The following PIP4K2A variants were observed in gnomAD, a reference collection of about 807,000 sequenced individuals.
PIP4K2A encodes phosphatidylinositol 5-phosphate 4-kinase type-2 alpha.
In PIP4K2A, 14 loss-of-function variants were observed where a neutral mutation model predicts 42.9. The observed-to-expected ratio is 0.33, with a 90% CI of 0.22 to 0.51. PIP4K2A has a LOEUF of 0.51. PIP4K2A is among the 20% of genes least tolerant of loss of function. PIP4K2A has a pLI of 0.97. For synonymous variants in PIP4K2A, 192 were observed against 192.2 expected (o/e 1.00, Z 0.01); for missense variants, 434 against 519.8 (o/e 0.83, Z 1.61).
At chr10:22,544,808 A>T (rs925933372) in intron 7 of PIP4K2A, among the ~76,000 whole-genome samples, 1 of 152,130 alleles carries the variant, frequency 6.6e-6, no homozygotes, top group African/African-American at 2.4e-5. Context: ...TCTGGGGCCC[A>T]CTTGAGCTCT....
chr10:22,645,499 T>C (rs73598586), intron 1 of PIP4K2A, among the ~76,000 whole-genome samples: 3,457 of 150,332 alleles, frequency 0.023, 140 homozygotes, highest in African/African-American at 0.079. Context: ...TGAGATACGA[T>C]TGCACCACTG....
intron 9 of PIP4K2A, among the ~76,000 whole-genome samples, chr10:22,538,549 T>C (rs1442727045): frequency 3.9e-5 from 6 of 152,200 alleles, no homozygotes; most frequent in Non-Finnish European, 5.9e-5. Flanking sequence ...CTTGAGGTCA[T>C]ACAAGTGGGA....
chr10:22,570,849 A>G (rs2130792231), intron 5 of PIP4K2A, among the ~76,000 whole-genome samples: 1 of 152,160 alleles, frequency 6.6e-6, no homozygotes, highest in South Asian at 2.1e-4. Context: ...TAAAAAAAAA[A>G]AACAATGAAA....
At chr10:22,576,904 T>C (rs1171619964) in intron 4 of PIP4K2A, among the ~76,000 whole-genome samples, 1 of 151,898 alleles carries the variant, frequency 6.6e-6, no homozygotes, top group Non-Finnish European at 1.5e-5. Context: ...CGAAACCTCG[T>C]CTCTGCTAAA....
chr10:22,687,862 G>A (rs1839793546), intron 1 of PIP4K2A, among the ~76,000 whole-genome samples: 1 of 152,120 alleles, frequency 6.6e-6, no homozygotes, highest in African/African-American at 2.4e-5. Context: ...ATCTGTGGTT[G>A]GTGGGATCTG....
chr10:22,687,912 C>T (rs928761778), intron 1 of PIP4K2A, among the ~76,000 whole-genome samples: 1 of 152,034 alleles, frequency 6.6e-6, no homozygotes, highest in African/African-American at 2.4e-5. Context: ...CTACTTTGTG[C>T]GAGATCATTG....
chr10:22,668,381 A>G (rs979684351), intron 1 of PIP4K2A, among the ~76,000 whole-genome samples: 2 of 152,236 alleles, frequency 1.3e-5, no homozygotes, highest in Non-Finnish European at 2.9e-5. Flanking sequence ...CTGAAGTCAA[A>G]GCAAAACTAA....
chr10:22,577,710 G>A (rs772337318), intron 4 of PIP4K2A, among the ~76,000 whole-genome samples: 4 of 152,172 alleles, frequency 2.6e-5, no homozygotes, highest in Non-Finnish European at 5.9e-5. Flanking sequence ...GTCACACTGC[G>A]ACGCATCTTG....
intron 1 of PIP4K2A, among the ~76,000 whole-genome samples, chr10:22,704,256 C>G (rs11815093): frequency 6.6e-6 from 1 of 151,950 alleles, no homozygotes; most frequent in South Asian, 2.1e-4. Flanking sequence ...GAGCCTGCAC[C>G]TAAGGAGTGG....
chr10:22,705,425 TTAAAAAAAAAAAAAAAA>T (rs1358991699), intron 1 of PIP4K2A, among the ~76,000 whole-genome samples: 897 of 56,890 alleles, frequency 0.016, 13 homozygotes, highest in African/African-American at 0.059. Context: ...AGTACCCCAG[TTAAAAAAAAAAAAAAAA>T]AAAAAAAAAA....
intron 1 of PIP4K2A, among the ~76,000 whole-genome samples, chr10:22,709,872 T>C (rs1267677128): frequency 6.6e-6 from 1 of 152,046 alleles, no homozygotes; most frequent in Non-Finnish European, 1.5e-5. Context: ...AAAAAAATAG[T>C]TTGAGGAGAC....
At chr10:22,550,574 T>G in intron 7 of PIP4K2A, 85 bp downstream of exon 7, 1 of 804,440 alleles carries the variant, frequency 1.2e-6, no homozygotes, top group Non-Finnish European at 2.2e-6. Context: ...ATTGAAGATT[T>G]AAATAGATGG....
At chr10:22,563,475 T>C (rs1836761525) in intron 6 of PIP4K2A, among the ~76,000 whole-genome samples, 1 of 152,262 alleles carries the variant, frequency 6.6e-6, no homozygotes, top group Admixed American at 6.5e-5. Context: ...ATTTCACTAC[T>C]TTAGAAAAAA....
chr10:22,556,586 GGTTA>G (rs370112264), intron 6 of PIP4K2A, among the ~76,000 whole-genome samples: 250 of 152,120 alleles, frequency 1.6e-3, no homozygotes, highest in African/African-American at 5.1e-3. Flanking sequence ...ATTTTCCATG[GGTTA>G]GTTTTTTCTC....
chr10:22,561,859 C>T (rs1836713073), intron 6 of PIP4K2A, among the ~76,000 whole-genome samples: 1 of 152,048 alleles, frequency 6.6e-6, no homozygotes, highest in Admixed American at 6.5e-5. Context: ...AGCCACCATG[C>T]CCAGCCCTCT....
intron 1 of PIP4K2A, among the ~76,000 whole-genome samples, chr10:22,708,476 C>G (rs937369753): frequency 2.0e-5 from 3 of 152,180 alleles, no homozygotes; most frequent in African/African-American, 7.2e-5. Flanking sequence ...CTACATGGTA[C>G]TGTAACTGCA....
At chr10:22,608,101 T>C (rs147788329) in intron 2 of PIP4K2A, 78 bp from the exon 3 acceptor site, 6 of 933,688 alleles carry the variant, frequency 6.4e-6, no homozygotes, top group African/African-American at 4.9e-5. Context: ...GTTCCACAGG[T>C]AGCCAAAGAA....
chr10:22,648,361 C>G, intron 1 of PIP4K2A, among the ~76,000 whole-genome samples: 1 of 152,142 alleles, frequency 6.6e-6, no homozygotes, highest in Non-Finnish European at 1.5e-5. Context: ...TATTAGCTGA[C>G]ATTAAATGGC....
At chr10:22,653,356 T>C (rs1314418786) in intron 1 of PIP4K2A, among the ~76,000 whole-genome samples, 1 of 152,132 alleles carries the variant, frequency 6.6e-6, no homozygotes, top group Non-Finnish European at 1.5e-5. Flanking sequence ...TTCTACCCAG[T>C]GTCACACTGC....
Sources: allele counts gnomAD v4.1 joint callset (sites outside exome capture counted in the v4.1 genomes callset), GRCh38; gene constraint gnomAD v4.1.1; transcripts MANE v1.5; gene names NCBI Gene and HGNC (gene_info 2026-07-23, HGNC 2026-07-21).